FRAS1: variants seen among roughly 807,000 people sequenced by gnomAD.
FRAS1 encodes Fraser extracellular matrix complex subunit 1.
FRAS1 carries 290 observed loss-of-function variants against 435.2 expected under a neutral mutation model. The ratio of observed to expected loss-of-function variants is 0.67; its 90% CI spans 0.61 to 0.73. FRAS1 has a LOEUF of 0.73. FRAS1 is among the 30% of genes least tolerant of loss of function. FRAS1 has a pLI of 0.00. For synonymous variants in FRAS1, 1,800 were observed against 1,851.0 expected, an observed-to-expected ratio of 0.97 and a Z score of 0.71; for missense variants, 4,860 against 5,001.5, an observed-to-expected ratio of 0.97 and a Z score of 0.85.
At chr4:78,170,684 T>C (rs528653624) in intron 2 of FRAS1, among the ~76,000 whole-genome samples, 9 of 152,222 alleles carry the variant, frequency 5.9e-5, no homozygotes, top group Admixed American at 5.2e-4. Flanking sequence ...TTCAGAACAC[T>C]CTCATTGTCG....
chr4:78,190,881 C>T (rs1404454863), intron 2 of FRAS1, among the ~76,000 whole-genome samples: 1 of 152,050 alleles, frequency 6.6e-6, no homozygotes, highest in Non-Finnish European at 1.5e-5. Context: ...AGGGCCTTTA[C>T]AGAAGTAATT....
At chr4:78,412,078 T>C (rs1178665580) in intron 31 of FRAS1, among the ~76,000 whole-genome samples, 1 of 152,268 alleles carries the variant, frequency 6.6e-6, no homozygotes, top group Admixed American at 6.5e-5. Context: ...TAATTTACAG[T>C]GATGCTATAT....
At chr4:78,209,353 C>T (rs1723407398) in intron 2 of FRAS1, among the ~76,000 whole-genome samples, 1 of 152,086 alleles carries the variant, frequency 6.6e-6, no homozygotes, top group East Asian at 1.9e-4. Flanking sequence ...CTTCTGGCTT[C>T]CTGTTGGGTG....
At chr4:78,123,426 G>A (rs978324329) in intron 2 of FRAS1, among the ~76,000 whole-genome samples, 1 of 152,156 alleles carries the variant, frequency 6.6e-6, no homozygotes, top group Non-Finnish European at 1.5e-5. Flanking sequence ...CTCCAGCTTT[G>A]TTCTTCTTGC....
intron 2 of FRAS1, among the ~76,000 whole-genome samples, chr4:78,161,968 A>C (rs1298535427): frequency 6.6e-6 from 1 of 152,028 alleles, no homozygotes; most frequent in Non-Finnish European, 1.5e-5. Flanking sequence ...GCCTTCCATA[A>C]ATAAATTTGA....
In FRAS1 at chr4:78,149,240, T is replaced by C. The variant is rs761501709; in HGVS notation, c.108+83224T>C. 7.9e-5 allele frequency among the ~76,000 whole-genome samples: 12 copies of C among 152,212 alleles called. 1 individual carries two copies. Among genetic ancestry groups the C allele is most frequent in the Non-Finnish European group, 1.6e-4 (11 of 68,032 alleles). On this transcript the variant is annotated intron_variant, in intron 2 of 73. Transcript: ENST00000512123. ...ACTAGACCCAGGGCCTGAGCATTCT[T>C]GGCAGTGAATGTGCAGTGGGCTTAA...
At chr4:78,197,994 G>A (rs1311964178) in intron 2 of FRAS1, among the ~76,000 whole-genome samples, 4 of 151,510 alleles carry the variant, frequency 2.6e-5, no homozygotes, top group Admixed American at 1.3e-4. Flanking sequence ...GGACTATGTA[G>A]CAGATGCTTT....
intron 70 of FRAS1, among the ~76,000 whole-genome samples, chr4:78,528,435 C>A (rs1425021859): frequency 6.6e-6 from 1 of 152,194 alleles, no homozygotes; most frequent in East Asian, 1.9e-4. Context: ...CATTCCCTTT[C>A]TGCAGATAAC....
chr4:78,448,407 G>C, intron 44 of FRAS1, 91 bp downstream of exon 44: 1 of 1,245,662 alleles, frequency 8.0e-7, no homozygotes, highest in Non-Finnish European at 1.1e-6. Context: ...TGTTAGTGAT[G>C]TGGGTGCATC....
intron 63 of FRAS1, among the ~76,000 whole-genome samples, chr4:78,510,817 C>T (rs1027447): frequency 0.33 from 49,444 of 151,918 alleles, 8,710 homozygotes; most frequent in South Asian, 0.52. Context: ...ATGGGATGAT[C>T]GAGGGAGGAT....
intron 9 of FRAS1, among the ~76,000 whole-genome samples, chr4:78,277,168 G>A (rs775704748): frequency 3.9e-5 from 6 of 152,294 alleles, no homozygotes; most frequent in South Asian, 4.1e-4. Context: ...TTGGAAAAGC[G>A]CAGTATTAGG....
At chr4:78,142,095 T>C (rs980757787) in intron 2 of FRAS1, among the ~76,000 whole-genome samples, 16 of 151,856 alleles carry the variant, frequency 1.1e-4, no homozygotes, top group Non-Finnish European at 2.1e-4. Flanking sequence ...AACTTACTCA[T>C]ATAACCAAAT....
intron 2 of FRAS1, among the ~76,000 whole-genome samples, chr4:78,115,428 G>C (rs1463053003): frequency 6.6e-6 from 1 of 152,084 alleles, no homozygotes; most frequent in Non-Finnish European, 1.5e-5. Context: ...TTGTACCTCT[G>C]GTAGAATTCG....
At chr4:78,232,842 A>G (rs1353346005) in intron 2 of FRAS1, among the ~76,000 whole-genome samples, 1 of 152,182 alleles carries the variant, frequency 6.6e-6, no homozygotes, top group Non-Finnish European at 1.5e-5. Context: ...GTGCTAAGTG[A>G]ATTTTGAGAT....
intron 14 of FRAS1, among the ~76,000 whole-genome samples, chr4:78,293,251 C>T (rs1727984621): frequency 6.6e-6 from 1 of 152,148 alleles, no homozygotes; most frequent in South Asian, 2.1e-4. Flanking sequence ...AGGAAATGAT[C>T]AGTCATTGGG....
intron 14 of FRAS1, among the ~76,000 whole-genome samples, chr4:78,291,913 C>T (rs1727915011): frequency 6.6e-6 from 1 of 152,182 alleles, no homozygotes; most frequent in Non-Finnish European, 1.5e-5. Context: ...TTGAATGGCA[C>T]CTCTACCACT....
intron 34 of FRAS1, among the ~76,000 whole-genome samples, chr4:78,424,101 T>A (rs1733906103): frequency 6.6e-6 from 1 of 152,224 alleles, no homozygotes; most frequent in African/African-American, 2.4e-5. Context: ...TAGGATTTTA[T>A]GTACTGTGAT....
At chr4:78,434,772 G>T (rs984120988) in intron 38 of FRAS1, among the ~76,000 whole-genome samples, 10 of 152,056 alleles carry the variant, frequency 6.6e-5, no homozygotes, top group African/African-American at 2.4e-4. Context: ...TAACTAAAAA[G>T]ATCTTACCAT....
At chr4:78,152,302 C>G (rs1360133028) in intron 2 of FRAS1, among the ~76,000 whole-genome samples, 1 of 152,030 alleles carries the variant, frequency 6.6e-6, no homozygotes, top group Non-Finnish European at 1.5e-5. Flanking sequence ...TTTTCCTGCC[C>G]TGTTTACAGG....
Sources: gnomAD v4.1 joint callset for allele counts (sites outside exome capture counted in the v4.1 genomes callset) on GRCh38, gnomAD v4.1.1 for gene constraint, MANE v1.5 for transcripts, NCBI Gene and HGNC (gene_info 2026-07-23, HGNC 2026-07-21) for gene names.